The following ASCC2 variants were observed in gnomAD, a reference collection of about 807,000 sequenced individuals.
The protein encoded by ASCC2 is ASC-1 complex subunit P100.
ASCC2 carries 42 observed loss-of-function variants against 93.5 expected under a neutral mutation model. That is an observed-to-expected ratio of 0.45 (90% CI 0.35 to 0.58). ASCC2 has a LOEUF of 0.58. Ranked by LOEUF, ASCC2 falls within the 20% of genes least tolerant of loss-of-function variation. The probability of loss-of-function intolerance (pLI) is 0.00; values close to 1 mark genes in which losing one functional copy is unlikely to be tolerated. For synonymous variants in ASCC2, 364 were observed against 384.2 expected (o/e 0.95, Z 0.62); for missense variants, 859 against 977.6 (o/e 0.88, Z 1.62).
intron 1 of ASCC2, among the ~76,000 whole-genome samples, chr22:29,836,079 G>A (rs550920371): frequency 6.6e-6 from 1 of 152,172 alleles, no homozygotes; most frequent in Admixed American, 6.5e-5. Context: ...AGAATTGCTT[G>A]AGCCCAGGAG....
intron 15 of ASCC2, chr22:29,799,265 T>G (rs1308753587): frequency 6.6e-6 from 1 of 152,246 alleles, no homozygotes; most frequent in Non-Finnish European, 1.5e-5. Flanking sequence ...TGTCTGCCCC[T>G]TGCCCACCGC....
In ASCC2 at chr22:29,789,096, C is replaced by T; in HGVS notation, c.2191G>A (p.Glu731Lys). Residue 731 changes from glutamate to lysine, a missense_variant, in exon 20 of 20, where the codon GAA becomes AAA. By Grantham distance (56) the Glu-to-Lys change is moderately conservative. Transcript: ENST00000307790. ...RETTQERRKK[E>K]ANKATRANHN... ...TTGGCTCTTGTCGCCTTGTTGGCTT[C>T]CTTCTTCCTGCGTTCCTGGGTTGTC... is the stretch of plus-strand genomic sequence containing the variant. 2 of 1,614,200 alleles carry T rather than the reference C, an allele frequency of 1.2e-6. No individual in the cohort carries two copies. The highest frequency in any genetic ancestry group is 2.2e-5 in the East Asian group (1 of 44,870).
At chr22:29,809,238 AT>A (rs34633316) in intron 8 of ASCC2, among the ~76,000 whole-genome samples, 7,813 of 151,944 alleles carry the variant, frequency 0.051, 456 homozygotes, top group South Asian at 0.25. Context: ...TGAGAAAAAA[AT>A]ATATTAAAAT....
intron 1 of ASCC2, chr22:29,833,750 A>G (rs2092931021): frequency 2.6e-6 from 1 of 379,012 alleles, no homozygotes; most frequent in Admixed American, 3.2e-5. Context: ...GGGTGATTAA[A>G]CTGTCACCTC....
At chr22:29,792,306 TCCTC>T in intron 18 of ASCC2, 123 bp downstream of exon 18, 1 of 1,484,840 alleles carries the variant, frequency 6.7e-7, no homozygotes, top group South Asian at 1.3e-5. Flanking sequence ...TCAAAGGGAC[TCCTC>T]CTGTCCCTGC....
intron 1 of ASCC2, chr22:29,832,561 G>T: frequency 5.0e-6 from 2 of 400,012 alleles, no homozygotes; most frequent in South Asian, 4.6e-5. Flanking sequence ...TACTTCCCCA[G>T]ATGACTTCTG....
chr22:29,809,905 A>G (rs1271635576), intron 8 of ASCC2: 2 of 152,108 alleles, frequency 1.3e-5, no homozygotes, highest in Non-Finnish European at 2.9e-5. Flanking sequence ...CTCTTATGAC[A>G]GCAAACCATA....
chr22:29,790,189 T>C (rs2068809534), intron 19 of ASCC2, among the ~76,000 whole-genome samples: 1 of 152,178 alleles, frequency 6.6e-6, no homozygotes, highest in Non-Finnish European at 1.5e-5. Flanking sequence ...CAAGTAATGG[T>C]TATGAGTGGG....
intron 8 of ASCC2, among the ~76,000 whole-genome samples, chr22:29,812,804 C>T (rs535633291): frequency 6.6e-6 from 1 of 152,210 alleles, no homozygotes; most frequent in Admixed American, 6.5e-5. Context: ...TCTCACAGCT[C>T]CATGTTGGAG....
intron 2 of ASCC2, among the ~76,000 whole-genome samples, chr22:29,829,667 C>T (rs1354968022): frequency 4.0e-5 from 6 of 151,816 alleles, no homozygotes; most frequent in Admixed American, 3.3e-4. Flanking sequence ...CCACTGCACT[C>T]CAGCCTAGGC....
At chr22:29,820,858 A>T (rs2061466861) in intron 5 of ASCC2, among the ~76,000 whole-genome samples, 1 of 147,712 alleles carries the variant, frequency 6.8e-6, no homozygotes, top group African/African-American at 2.5e-5. Flanking sequence ...GTGGGCCGAG[A>T]TTGCACCATT....
At chr22:29,792,604 G>A (rs1379563717) in intron 17 of ASCC2, 69 bp from the exon 18 acceptor site, 1 of 1,598,270 alleles carries the variant, frequency 6.3e-7, no homozygotes, top group Non-Finnish European at 8.5e-7. Context: ...AAGGAGGAGG[G>A]AACCTGGTTG....
At chr22:29,817,530 T>A (rs904868488) in intron 5 of ASCC2, among the ~76,000 whole-genome samples, 3 of 152,036 alleles carry the variant, frequency 2.0e-5, no homozygotes, top group Non-Finnish European at 2.9e-5. Flanking sequence ...AGGTGTCACC[T>A]CCTCCACGCA....
intron 1 of ASCC2, among the ~76,000 whole-genome samples, chr22:29,833,879 CT>C (rs539551425): frequency 0.081 from 11,360 of 139,464 alleles, 655 homozygotes; most frequent in South Asian, 0.27. Context: ...TTTTCTTTTT[CT>C]TTTTTTTTTT....
intron 5 of ASCC2, 137 bp from the exon 6 acceptor site, chr22:29,816,210 G>A: frequency 1.4e-6 from 1 of 731,454 alleles, no homozygotes; most frequent in South Asian, 1.7e-5. Flanking sequence ...TAGGACCTAG[G>A]ACGAGTCCTG....
chr22:29,808,306 A>G (rs2059915472), intron 8 of ASCC2, 121 bp from the exon 9 acceptor site: 4 of 1,031,382 alleles, frequency 3.9e-6, no homozygotes, highest in Non-Finnish European at 5.7e-6. Flanking sequence ...AATTTTCTCC[A>G]GGGACCCCTT....
rs950867108 is a variant in ASCC2 at position 29,838,207 on chromosome 22, G to GCCGCCGCCT, written c.-48_-47insAGGCGGCGG. ...GCGGCTCCACCACCGGCTCTGTGCCGCCGCCGCCGCCGCCGCCGCCGACCA... is the reference window on the plus strand; with the variant it reads ...GCGGCTCCACCACCGGCTCTGTGCCGCCGCCGCCTCCGCCGCCGCCGCCGCCGCCGACCA... On this transcript the variant is annotated 5_prime_UTR_variant, in exon 1 of 20. Transcript: ENST00000307790. The GCCGCCGCCT allele has an allele frequency of 1.2e-5, 5 of 405,082 alleles. No individual in the cohort carries two copies. The African/African-American group carries it at 1.8e-4, about 15-fold the overall frequency. 25.1% of individuals were successfully genotyped at this position (405,082 alleles called of 1,614,324 possible). A position where few individuals can be genotyped will look rare whatever the true frequency, so the allele number is the denominator to read the frequency against.
chr22:29,815,953 G>A, intron 6 of ASCC2, 53 bp downstream of exon 6: 6 of 1,444,280 alleles, frequency 4.2e-6, no homozygotes, highest in South Asian at 1.2e-5. Context: ...GAGTTGGGGA[G>A]GTGGCCTATC....
Position 29,802,038 on chromosome 22 carries a change from C to T in ASCC2, c.1524G>A (p.Glu508=). The part of the protein sequence containing the change: ...PEQVINNILE[E]RLAPTLSQLD... ...GCTGGCTGAGGGTGGGGGCCAGCCG[C>T]TCCTCCAGGATATTGTTGATCACCT... The change falls in exon 14 of 20, where the codon GAG becomes GAA. Residue 508 remains glutamate (E), a synonymous_variant. Coordinates refer to ENST00000307790, the MANE Select transcript of ASCC2 (RefSeq NM_032204.5). 6.2e-7 allele frequency: 1 copy of T among 1,612,376 alleles called. No homozygotes were observed. The highest frequency in any genetic ancestry group is 8.5e-7 in the Non-Finnish European group (1 of 1,179,218).
Sources: allele counts gnomAD v4.1 joint callset (sites outside exome capture counted in the v4.1 genomes callset), GRCh38; gene constraint gnomAD v4.1.1; transcripts MANE v1.5; gene names NCBI Gene and HGNC (gene_info 2026-07-23, HGNC 2026-07-21).